Variants in LZTFL1 observed in about 807,000 individuals in gnomAD.
The protein encoded by LZTFL1 is leucine zipper transcription factor like 1.
In LZTFL1, 25 loss-of-function variants were observed where a neutral mutation model predicts 45.9. The ratio of observed to expected loss-of-function variants is 0.54; its 90% confidence interval spans 0.40 to 0.76. The LOEUF (loss-of-function observed/expected upper bound fraction) is 0.76. Ranked by LOEUF, LZTFL1 falls within the 30% of genes least tolerant of loss-of-function variation. LZTFL1 has a pLI of 0.00. For synonymous variants in LZTFL1, 93 were observed against 117.4 expected (o/e 0.79, Z 1.35); for missense variants, 277 against 331.1 (o/e 0.84, Z 1.27).
intron 1 of LZTFL1, among the ~76,000 whole-genome samples, chr3:45,839,883 C>G (rs1701061414): frequency 2.0e-5 from 3 of 152,214 alleles, no homozygotes. Flanking sequence ...TCTGTGCCAT[C>G]TCCCAATATG....
intron 2 of LZTFL1, among the ~76,000 whole-genome samples, chr3:45,885,596 AATAG>A (rs1701957754): frequency 6.6e-6 from 1 of 152,228 alleles, no homozygotes; most frequent in African/African-American, 2.4e-5. Context: ...AGTGCCTTTC[AATAG>A]CACTGTTGGC....
chr3:45,870,187 G>A (rs1044189270), intron 2 of LZTFL1, among the ~76,000 whole-genome samples: 1 of 152,322 alleles, frequency 6.6e-6, no homozygotes, highest in African/African-American at 2.4e-5. Context: ...GCTCACGAGG[G>A]CATGCAGAAA....
chr3:45,860,476 T>C (rs201923247), intron 2 of LZTFL1, among the ~76,000 whole-genome samples: 1 of 144,404 alleles, frequency 6.9e-6, no homozygotes, highest in Non-Finnish European at 1.5e-5. Flanking sequence ...TTTTTTTTTT[T>C]GTTTTTTGGT....
chr3:45,881,265 C>T (rs1701854465), intron 2 of LZTFL1, among the ~76,000 whole-genome samples: 2 of 152,220 alleles, frequency 1.3e-5, no homozygotes, highest in Admixed American at 1.3e-4. Context: ...ACCTTCACTT[C>T]AACACCTCAG....
intron 8 of LZTFL1, 71 bp from the exon 9 acceptor site, chr3:45,827,530 A>G (rs1309811863): frequency 1.3e-5 from 12 of 941,318 alleles, no homozygotes; most frequent in Non-Finnish European, 1.5e-5. Context: ...TGCGATAAAA[A>G]TATGTAGTTT....
At chr3:45,865,671 AACGATGAATTCAT>A (rs1701566963) in intron 2 of LZTFL1, among the ~76,000 whole-genome samples, 1 of 152,236 alleles carries the variant, frequency 6.6e-6, no homozygotes, top group Non-Finnish European at 1.5e-5. Context: ...TAAGAGAGGG[AACGATGAATTCAT>A]ACACTTCTGG....
chr3:45,892,516 A>C (rs1056292115), intron 2 of LZTFL1, among the ~76,000 whole-genome samples: 1 of 152,158 alleles, frequency 6.6e-6, no homozygotes, highest in African/African-American at 2.4e-5. Context: ...TGTTGAGTAC[A>C]TATGGACACA....
chr3:45,838,577 A>C (rs1357018816), intron 1 of LZTFL1, among the ~76,000 whole-genome samples: 1 of 152,164 alleles, frequency 6.6e-6, no homozygotes, highest in Non-Finnish European at 1.5e-5. Context: ...CTTAACCCTT[A>C]CCCCATTAAA....
rs559444345 is a variant in LZTFL1 at position 45,895,448 on chromosome 3, C to T, written c.-215+17672G>A. On this transcript the variant is annotated intron_variant, in intron 2 of 4. Transcript: ENST00000472635. The stretch of plus-strand genomic sequence containing the variant: ...GAGTCAGTCTGGGCGTGGTAGCTCA[C>T]GCCTGTAATCCCAGCACTTTGGGAG... Among the ~76,000 whole-genome samples the T allele has an allele frequency of 1.8e-4, 27 of 152,338 alleles. No individual in the cohort carries two copies. In the East Asian group the frequency reaches 4.2e-3, roughly 24 times the overall value.
At chr3:45,874,232 T>C (rs1473251357) in intron 2 of LZTFL1, among the ~76,000 whole-genome samples, 2 of 152,206 alleles carry the variant, frequency 1.3e-5, no homozygotes, top group South Asian at 2.1e-4. Flanking sequence ...GGTCCACAAC[T>C]ATTTCATGAA....
intron 6 of LZTFL1, 31 bp from the exon 7 acceptor site, chr3:45,831,021 GTATT>G (rs1276372212): frequency 6.2e-7 from 1 of 1,606,074 alleles, no homozygotes; most frequent in Non-Finnish European, 8.5e-7. Flanking sequence ...AACACTTTCA[GTATT>G]TAATCTGTAG....
At chr3:45,912,210 G>A (rs1401689884) in intron 2 of LZTFL1, among the ~76,000 whole-genome samples, 8 of 152,178 alleles carry the variant, frequency 5.3e-5, no homozygotes, top group African/African-American at 4.8e-5. Flanking sequence ...GTGTTTTTGC[G>A]TACTTGTATG....
At chr3:45,877,519 C>G (rs1701768385) in intron 2 of LZTFL1, among the ~76,000 whole-genome samples, 1 of 152,090 alleles carries the variant, frequency 6.6e-6, no homozygotes. Context: ...CAGGCGTAAA[C>G]CACTGCGCCT....
At chr3:45,877,896 C>A (rs1200952921) in intron 2 of LZTFL1, among the ~76,000 whole-genome samples, 1 of 151,920 alleles carries the variant, frequency 6.6e-6, no homozygotes, top group African/African-American at 2.4e-5. Context: ...CAGGCGCCTG[C>A]CACTATGCCT....
At chr3:45,893,027 T>C (rs1461699709) in intron 2 of LZTFL1, among the ~76,000 whole-genome samples, 1 of 152,216 alleles carries the variant, frequency 6.6e-6, no homozygotes, top group Non-Finnish European at 1.5e-5. Context: ...ATGTAAGTTC[T>C]GACGTACATA....
chr3:45,855,990 G>T (rs1056074089), intron 3 of LZTFL1, among the ~76,000 whole-genome samples: 5 of 152,132 alleles, frequency 3.3e-5, no homozygotes, highest in Admixed American at 3.3e-4. Context: ...GTAATTTATA[G>T]ATTCAATGCT....
chr3:45,863,183 G>C (rs375871586), intron 2 of LZTFL1, among the ~76,000 whole-genome samples: 2 of 152,210 alleles, frequency 1.3e-5, no homozygotes, highest in African/African-American at 4.8e-5. Context: ...AGAAAAGTGC[G>C]TCTAATGTCC....
chr3:45,835,529 C>A, intron 3 of LZTFL1, 61 bp downstream of exon 3: 2 of 1,510,348 alleles, frequency 1.3e-6, no homozygotes, highest in Admixed American at 1.7e-5. Context: ...AAGATGTTCA[C>A]TAACTTTTAA....
upstream of LZTFL1, among the ~76,000 whole-genome samples, chr3:45,844,718 A>C (rs905593752): frequency 1.3e-5 from 2 of 152,206 alleles, no homozygotes; most frequent in African/African-American, 4.8e-5. Flanking sequence ...GGCCCAGATT[A>C]CAGGGCTCTT....
Sources: allele counts gnomAD v4.1 joint callset (sites outside exome capture counted in the v4.1 genomes callset), GRCh38; gene constraint gnomAD v4.1.1; transcripts MANE v1.5; gene names NCBI Gene and HGNC (gene_info 2026-07-23, HGNC 2026-07-21).